ZSCAN25: variants seen among roughly 807,000 people sequenced by gnomAD.
ZSCAN25 encodes the protein zinc finger and SCAN domain containing 25.
A neutral mutation model predicts 38.7 loss-of-function variants in ZSCAN25; 27 were observed. The observed-to-expected ratio is 0.70, with a 90% CI of 0.51 to 0.96. The LOEUF is 0.96. Among genes scored for constraint, ZSCAN25 ranks in the 40% least tolerant of loss-of-function variants. ZSCAN25 has a pLI of 0.00. For missense variants in ZSCAN25, 637 were observed against 705.9 expected (o/e 0.90, Z 1.11); for synonymous variants, 273 against 277.7 (o/e 0.98, Z 0.17).
the ZSCAN25 span, among the ~76,000 whole-genome samples, chr7:99,729,266 T>C: frequency 6.6e-6 from 1 of 152,162 alleles, no homozygotes; most frequent in East Asian, 1.9e-4. Flanking sequence ...ACAACAAATA[T>C]TACTTTTAAC....
At chr7:99,723,689 G>A in the ZSCAN25 span, among the ~76,000 whole-genome samples, 1 of 152,172 alleles carries the variant, frequency 6.6e-6, no homozygotes, top group Non-Finnish European at 1.5e-5. Flanking sequence ...CCAGCCCAAG[G>A]TCATCTCACC....
chr7:99,652,199 A>G, the ZSCAN25 span: 8 of 149,306 alleles, frequency 5.4e-5, no homozygotes, highest in Admixed American at 4.7e-4. Flanking sequence ...ATATATATGT[A>G]TATTTATAGT....
the ZSCAN25 span, chr7:99,679,734 T>A: frequency 8.2e-7 from 1 of 1,223,270 alleles, no homozygotes; most frequent in East Asian, 2.3e-5. Flanking sequence ...CTTGAACATC[T>A]CTTTTGATCT....
chr7:99,728,264 A>C, the ZSCAN25 span, among the ~76,000 whole-genome samples: 1 of 152,108 alleles, frequency 6.6e-6, no homozygotes, highest in Non-Finnish European at 1.5e-5. Context: ...CCCTCCTAGA[A>C]CTTCTCATTT....
At chr7:99,710,870 C>T in the ZSCAN25 span, 3 of 1,613,724 alleles carry the variant, frequency 1.9e-6, no homozygotes, top group African/African-American at 1.3e-5. Context: ...TTGATTGGGC[C>T]ATGAGCTCCA....
chr7:99,652,607 G>GCA, the ZSCAN25 span: 1 of 1,614,018 alleles, frequency 6.2e-7, no homozygotes, highest in Non-Finnish European at 8.5e-7. Flanking sequence ...ATGGTGAAGA[G>GCA]CATAAGTTGG....
At chr7:99,717,298 A>G in the ZSCAN25 span, 6 of 1,613,820 alleles carry the variant, frequency 3.7e-6, no homozygotes, top group Non-Finnish European at 5.1e-6. Context: ...CCCATAGTTA[A>G]ATGTGCAGAC....
chr7:99,617,516 G>A (rs1404431366), intron 1 of ZSCAN25, among the ~76,000 whole-genome samples: 1 of 152,040 alleles, frequency 6.6e-6, no homozygotes, highest in Non-Finnish European at 1.5e-5. Context: ...AGGAGTTCAA[G>A]GTTGCACTGA....
At chr7:99,709,173 C>T in the ZSCAN25 span, 1 of 1,613,994 alleles carries the variant, frequency 6.2e-7, no homozygotes, top group Non-Finnish European at 8.5e-7. Flanking sequence ...CCTCTCAAGT[C>T]TCATAGCAAC....
At chr7:99,718,037 G>A in the ZSCAN25 span, among the ~76,000 whole-genome samples, 1 of 151,978 alleles carries the variant, frequency 6.6e-6, no homozygotes, top group Non-Finnish European at 1.5e-5. Context: ...TGAAAAAGAG[G>A]TGCCTTGATG....
chr7:99,670,457 C>G, the ZSCAN25 span, among the ~76,000 whole-genome samples: 1 of 152,138 alleles, frequency 6.6e-6, no homozygotes, highest in South Asian at 2.1e-4. Context: ...CCTTGCTTTT[C>G]AATTTGATAC....
chr7:99,633,969 C>G (rs1808161374), downstream of ZSCAN25, among the ~76,000 whole-genome samples: 1 of 152,174 alleles, frequency 6.6e-6, no homozygotes, highest in Admixed American at 6.5e-5. Flanking sequence ...ATTTATTATG[C>G]TGGGACAGTG....
the ZSCAN25 span, among the ~76,000 whole-genome samples, chr7:99,690,776 T>C: frequency 6.6e-6 from 1 of 152,038 alleles, no homozygotes; most frequent in Non-Finnish European, 1.5e-5. Context: ...TGGTGATCAT[T>C]AAAAAGTCAG....
At chr7:99,670,589 G>C in the ZSCAN25 span, among the ~76,000 whole-genome samples, 2 of 152,162 alleles carry the variant, frequency 1.3e-5, no homozygotes, top group Non-Finnish European at 2.9e-5. Flanking sequence ...GGAATGCCTA[G>C]AGCTGCAATC....
Position 99,621,439 on chromosome 7 carries a change from A to C in ZSCAN25, c.454A>C (p.Ile152Leu). 6.5e-7 allele frequency: 1 copy of C among 1,543,600 alleles called. No individual in the cohort carries two copies. The highest frequency in any genetic ancestry group is 2.4e-5 in the East Asian group (1 of 41,838). The change falls in exon 5 of 8, where the codon ATC becomes CTC. Residue 152 changes from isoleucine to leucine, a missense_variant. Coordinates refer to ENST00000394152, the MANE Select transcript of ZSCAN25 (RefSeq NM_145115.3). ...ALCRGAWEPGIQLGPVEVKPE... is the reference protein window; with the variant it reads ...ALCRGAWEPGLQLGPVEVKPE... ...TTGCAGAGGCGCTTGGGAGCCAGGC[A>C]TCCAGCTGGGGCCAGTGGAGGTCAA...
At chr7:99,706,020 T>C in the ZSCAN25 span, among the ~76,000 whole-genome samples, 1 of 152,210 alleles carries the variant, frequency 6.6e-6, no homozygotes, top group Non-Finnish European at 1.5e-5. Flanking sequence ...CTATTGTACA[T>C]TTTAATTATG....
rs748248467 is a variant in ZSCAN25 at position 99,622,529 on chromosome 7, T to G, written c.590-20T>G. On this transcript the variant is annotated intron_variant, in intron 5 of 7. Transcript: ENST00000394152. ...TCACTGATCCTTCTGATCTTTCTCA[T>G]GCTTTTTGTCCCTGCTCAGCACTAC... 3 of 1,612,626 alleles carry G rather than the reference T, an allele frequency of 1.9e-6. No homozygotes were observed. The highest frequency in any genetic ancestry group is 2.5e-6 in the Non-Finnish European group (3 of 1,178,668).
At chr7:99,648,741 C>G in the ZSCAN25 span, among the ~76,000 whole-genome samples, 2 of 151,588 alleles carry the variant, frequency 1.3e-5, no homozygotes. Flanking sequence ...GGTATTATGG[C>G]AAACTATTTT....
At chr7:99,641,880 C>T in the ZSCAN25 span, among the ~76,000 whole-genome samples, 1 of 152,336 alleles carries the variant, frequency 6.6e-6, no homozygotes, top group East Asian at 1.9e-4. Flanking sequence ...CTACTCTTTC[C>T]TCTGCATACT....
Sources: gnomAD v4.1 joint callset for allele counts (sites outside exome capture counted in the v4.1 genomes callset) on GRCh38, gnomAD v4.1.1 for gene constraint, MANE v1.5 for transcripts, NCBI Gene and HGNC (gene_info 2026-07-23, HGNC 2026-07-21) for gene names.